CYB5R4: variants seen among roughly 807,000 people sequenced by gnomAD.
CYB5R4 encodes cytochrome b5 reductase 4, also known as N-terminal cytochrome b5 and cytochrome b5 oxidoreductase domain-containing protein.
In CYB5R4, 55 loss-of-function variants were observed where a neutral mutation model predicts 70.2. The ratio of observed to expected loss-of-function variants is 0.78; its 90% CI spans 0.63 to 0.98. The LOEUF is 0.98. Ranked by LOEUF, CYB5R4 falls within the 50% of genes least tolerant of loss-of-function variation. The pLI, the probability that CYB5R4 is intolerant of heterozygous loss-of-function variation, is 0.00. For synonymous variants in CYB5R4, 197 were observed against 199.5 expected (o/e 0.99, Z 0.11); for missense variants, 562 against 612.6 (o/e 0.92, Z 0.87).
At chr6:83,859,935 C>T in intron 1 of CYB5R4, 78 bp downstream of exon 1, 5 of 1,321,350 alleles carry the variant, frequency 3.8e-6, no homozygotes. Context: ...TCCGCCCCAA[C>T]TCCCAGCTCC....
intron 2 of CYB5R4, among the ~76,000 whole-genome samples, chr6:83,880,739 G>T (rs1271626225): frequency 6.6e-6 from 1 of 152,118 alleles, no homozygotes; most frequent in Non-Finnish European, 1.5e-5. Context: ...CACATAAGAT[G>T]ATCTTTGATA....
At chr6:83,883,572 GATAAAGATGAA>G (rs557587001) in intron 2 of CYB5R4, among the ~76,000 whole-genome samples, 1 of 152,194 alleles carries the variant, frequency 6.6e-6, no homozygotes, top group Non-Finnish European at 1.5e-5. Flanking sequence ...ATTCTTGAAG[GATAAAGATGAA>G]ATAAAGACTT....
At chr6:83,878,645 C>T (rs892394435) in intron 2 of CYB5R4, among the ~76,000 whole-genome samples, 3 of 152,048 alleles carry the variant, frequency 2.0e-5, no homozygotes, top group East Asian at 3.9e-4. Flanking sequence ...CGCGCCCAGC[C>T]GTGTTTTGTA....
intron 10 of CYB5R4, among the ~76,000 whole-genome samples, chr6:83,925,779 A>C (rs9341969): frequency 0.2 from 29,710 of 152,058 alleles, 6,222 homozygotes; most frequent in African/African-American, 0.52. Flanking sequence ...TACTTTCTAC[A>C]TATTGAACTT....
intron 3 of CYB5R4, among the ~76,000 whole-genome samples, chr6:83,903,337 T>C (rs2099463297): frequency 6.6e-6 from 1 of 152,198 alleles, no homozygotes; most frequent in Non-Finnish European, 1.5e-5. Context: ...TTTGTGTGTA[T>C]GTTAAACCAT....
intron 10 of CYB5R4, among the ~76,000 whole-genome samples, chr6:83,931,240 A>G (rs1172183422): frequency 6.6e-6 from 1 of 152,254 alleles, no homozygotes; most frequent in Non-Finnish European, 1.5e-5. Context: ...AGAAACGCTA[A>G]TAGCGTCTTA....
chr6:83,884,079 T>C (rs1315938470), intron 2 of CYB5R4, among the ~76,000 whole-genome samples: 1 of 151,380 alleles, frequency 6.6e-6, no homozygotes, highest in Admixed American at 6.6e-5. Flanking sequence ...GGGAGGGAGA[T>C]TAGTAAAATC....
chr6:83,946,551 G>A (rs574978899), intron 14 of CYB5R4, among the ~76,000 whole-genome samples: 1 of 152,262 alleles, frequency 6.6e-6, no homozygotes, highest in Non-Finnish European at 1.5e-5. Flanking sequence ...ATTCAACATA[G>A]TATTGCAAGT....
At chr6:83,912,312 T>C (rs1348405280) in intron 4 of CYB5R4, among the ~76,000 whole-genome samples, 1 of 152,176 alleles carries the variant, frequency 6.6e-6, no homozygotes, top group Non-Finnish European at 1.5e-5. Context: ...TCTAACTTTT[T>C]ATCCAAATGG....
intron 4 of CYB5R4, among the ~76,000 whole-genome samples, chr6:83,910,460 G>A (rs757170747): frequency 5.3e-5 from 8 of 152,134 alleles, no homozygotes; most frequent in African/African-American, 1.2e-4. Context: ...TATAGGGCCC[G>A]TTGTCTGGGT....
intron 2 of CYB5R4, among the ~76,000 whole-genome samples, chr6:83,865,741 G>GGA (rs1352651006): frequency 6.6e-6 from 1 of 152,044 alleles, no homozygotes; most frequent in Non-Finnish European, 1.5e-5. Context: ...ATTTGGAGGG[G>GGA]GACACAGTTC....
At chr6:83,889,272 A>G (rs2324478) in intron 2 of CYB5R4, among the ~76,000 whole-genome samples, 23,463 of 152,194 alleles carry the variant, frequency 0.15, 3,537 homozygotes, top group African/African-American at 0.38. Flanking sequence ...TCTATTGGCT[A>G]AAGATGCCAC....
intron 10 of CYB5R4, among the ~76,000 whole-genome samples, chr6:83,933,230 G>A (rs1208125165): frequency 6.6e-6 from 1 of 152,180 alleles, no homozygotes; most frequent in East Asian, 1.9e-4. Flanking sequence ...GTCCAAGCCT[G>A]TGCCCTGGCA....
chr6:83,965,072 G>T lies in CYB5R4; in HGVS notation c.*5194G>T, dbSNP rs1431288547. 6.6e-5 allele frequency: 10 copies of T among 152,402 alleles called. No homozygotes were observed. The East Asian group carries it at 1.9e-3, about 29-fold the overall frequency. 9.4% of individuals were successfully genotyped at this position (152,402 alleles called of 1,614,324 possible). A position where few individuals can be genotyped will look rare whatever the true frequency, so the allele number is the denominator to read the frequency against. On this transcript the variant is annotated 3_prime_UTR_variant, in exon 16 of 16. Coordinates refer to ENST00000369681, the MANE Select transcript of CYB5R4 (RefSeq NM_016230.4). Reference sequence around the variant, plus strand: ...TTGCTGCAGGGGCGGGGCTCTCATGGAGAACCTCGGCTAGGGCAGTGCAGA... The same window carrying T: ...TTGCTGCAGGGGCGGGGCTCTCATGTAGAACCTCGGCTAGGGCAGTGCAGA...
rs952424162 is a variant in CYB5R4 at position 83,961,470 on chromosome 6, A to C, written c.*1592A>C. 1.3e-5 allele frequency: 2 copies of C among 151,874 alleles called. No homozygotes were observed. The highest frequency in any genetic ancestry group is 4.8e-5 in the African/African-American group (2 of 41,344). 9.4% of individuals were successfully genotyped at this position (151,874 alleles called of 1,614,324 possible). A position where few individuals can be genotyped will look rare whatever the true frequency, so the allele number is the denominator to read the frequency against. On this transcript the variant is annotated 3_prime_UTR_variant, in exon 16 of 16. Transcript: ENST00000369681. ...GCCCCCATGCTGTTCTCATGATGGT[A>C]AGTGAGTTCTCATGAGATCTGATGG... is the stretch of plus-strand genomic sequence containing the variant.
intron 13 of CYB5R4, 58 bp downstream of exon 13, chr6:83,940,264 T>C (rs577106871): frequency 3.2e-5 from 46 of 1,460,168 alleles, no homozygotes; most frequent in Non-Finnish European, 4.1e-5. Context: ...TAGTATAAGG[T>C]ATTCTAAATT....
chr6:83,948,156 G>A (rs910205825), intron 14 of CYB5R4, among the ~76,000 whole-genome samples: 4 of 152,290 alleles, frequency 2.6e-5, no homozygotes, highest in South Asian at 2.1e-4. Context: ...TAAAGAAAAT[G>A]TGGCACATTA....
rs555417812 is a variant in CYB5R4 at position 83,964,687 on chromosome 6, A to G, written c.*4809A>G. ...AACAAGGAACTGAATGTTAATTTCC[A>G]AGACAATGGGGAAAATGTCTCCAGG... is the stretch of plus-strand genomic sequence containing the variant. On this transcript the variant is annotated 3_prime_UTR_variant, in exon 16 of 16. Transcript: ENST00000369681. 6.6e-6 allele frequency: 1 copy of G among 152,366 alleles called. No homozygotes were observed. The highest frequency in any genetic ancestry group is 2.4e-5 in the African/African-American group (1 of 41,592). The allele number at this position is 152,366 out of a possible 1,614,324, so 9.4% of individuals were successfully genotyped here. A position where few individuals can be genotyped will look rare whatever the true frequency, so the allele number is the denominator to read the frequency against.
chr6:83,935,987 T>C (rs950753505), intron 11 of CYB5R4, among the ~76,000 whole-genome samples: 19 of 152,110 alleles, frequency 1.2e-4, no homozygotes, highest in African/African-American at 4.6e-4. Context: ...AGACTATACA[T>C]CATAAAAACA....
Sources: allele counts gnomAD v4.1 joint callset (sites outside exome capture counted in the v4.1 genomes callset), GRCh38; gene constraint gnomAD v4.1.1; transcripts MANE v1.5; gene names NCBI Gene and HGNC (gene_info 2026-07-23, HGNC 2026-07-21).